PHF24: variants seen among roughly 807,000 people sequenced by gnomAD.
PHF24 encodes PHD finger protein 24.
PHF24 carries 25 observed loss-of-function variants against 42.6 expected under a neutral mutation model. The ratio of observed to expected loss-of-function variants is 0.59; its 90% confidence interval spans 0.43 to 0.82. The LOEUF (loss-of-function observed/expected upper bound fraction) is 0.82. PHF24 is among the 40% of genes least tolerant of loss of function. The pLI, the probability that PHF24 is intolerant of heterozygous loss-of-function variation, is 0.00. For missense variants in PHF24, 470 were observed against 538.1 expected, an observed-to-expected ratio of 0.87 and a Z score of 1.25; for synonymous variants, 185 against 204.8, an observed-to-expected ratio of 0.90 and a Z score of 0.83.
At chr9:34,851,453 A>G in the PHF24 span, among the ~76,000 whole-genome samples, 3 of 152,138 alleles carry the variant, frequency 2.0e-5, no homozygotes, top group Non-Finnish European at 4.4e-5. Context: ...AGCCTGTTGG[A>G]AAAGTGCAGT....
exon 5 of PHF24, chr9:34,976,554 G>A (rs1412161756): frequency 2.5e-6 from 4 of 1,613,404 alleles, no homozygotes; most frequent in African/African-American, 1.3e-5. Flanking sequence ...TGACACTGGA[G>A]GACTTTCTGC....
the PHF24 span, among the ~76,000 whole-genome samples, chr9:34,812,447 A>T: frequency 6.6e-6 from 1 of 152,240 alleles, no homozygotes; most frequent in African/African-American, 2.4e-5. Flanking sequence ...ACTGATGTGT[A>T]TATTTAAGAG....
the PHF24 span, chr9:34,922,397 G>A: frequency 1.5e-3 from 2,111 of 1,418,424 alleles, 44 homozygotes; most frequent in South Asian, 0.022. Context: ...AATAGAACAC[G>A]GAGAAGTTAA....
At chr9:34,792,920 G>A in the PHF24 span, among the ~76,000 whole-genome samples, 1 of 152,116 alleles carries the variant, frequency 6.6e-6, no homozygotes, top group Admixed American at 6.5e-5. Context: ...TGAATACTTG[G>A]CATGAAAATA....
chr9:34,927,483 G>A, the PHF24 span, among the ~76,000 whole-genome samples: 1 of 152,152 alleles, frequency 6.6e-6, no homozygotes, highest in Non-Finnish European at 1.5e-5. Flanking sequence ...CTAATCTGGA[G>A]CAATGTAGCT....
the PHF24 span, chr9:34,689,810 G>A: frequency 6.8e-6 from 11 of 1,613,994 alleles, no homozygotes; most frequent in East Asian, 2.2e-5. The surrounding 1 kb of genome is among the most constrained non-coding windows in gnomAD (Gnocchi z 4.1). Flanking sequence ...CCCTCTGCAC[G>A]GTCATAGGTT....
At chr9:34,847,080 T>G in the PHF24 span, among the ~76,000 whole-genome samples, 1 of 152,108 alleles carries the variant, frequency 6.6e-6, no homozygotes, top group Non-Finnish European at 1.5e-5. Context: ...CTTGGTGATG[T>G]GGGCTCTTTT....
exon 8 of PHF24, chr9:34,978,129 C>T (rs1055764515): frequency 1.5e-5 from 23 of 1,585,410 alleles, no homozygotes; most frequent in Non-Finnish European, 1.9e-5. Context: ...CAGAGAAGCT[C>T]GGTTTGAGGA....
At chr9:34,953,048 T>G (rs1238570486), upstream of PHF24, among the ~76,000 whole-genome samples, 1 of 152,230 alleles carries the variant, frequency 6.6e-6, no homozygotes, top group African/African-American at 2.4e-5. The surrounding 1 kb of genome is among the most constrained non-coding windows in gnomAD (Gnocchi z 4.1). Flanking sequence ...AAATCTTTTG[T>G]GATCATGGGT....
At chr9:34,856,041 C>G in the PHF24 span, among the ~76,000 whole-genome samples, 2 of 152,172 alleles carry the variant, frequency 1.3e-5, no homozygotes, top group Non-Finnish European at 2.9e-5. Flanking sequence ...CTCTGAGATT[C>G]TTTCCTCTGC....
chr9:34,706,565 G>A, the PHF24 span, among the ~76,000 whole-genome samples: 1 of 152,168 alleles, frequency 6.6e-6, no homozygotes, highest in Admixed American at 6.6e-5. Context: ...ACAGGACAAT[G>A]TTGTCAAAGA....
At chr9:34,827,438 G>A in the PHF24 span, among the ~76,000 whole-genome samples, 5 of 152,206 alleles carry the variant, frequency 3.3e-5, no homozygotes, top group African/African-American at 1.2e-4. Flanking sequence ...CACAGAATCA[G>A]CATTCAGAGC....
the PHF24 span, among the ~76,000 whole-genome samples, chr9:34,839,666 T>A: frequency 6.6e-6 from 1 of 152,174 alleles, no homozygotes; most frequent in Admixed American, 6.5e-5. Flanking sequence ...GGTAAGTATA[T>A]TCAGTATGCT....
At chr9:34,887,378 G>A in the PHF24 span, among the ~76,000 whole-genome samples, 1 of 152,154 alleles carries the variant, frequency 6.6e-6, no homozygotes, top group East Asian at 1.9e-4. Flanking sequence ...TTTACTCAAA[G>A]TAAGAGCCAG....
the PHF24 span, among the ~76,000 whole-genome samples, chr9:34,700,516 T>C: frequency 6.6e-6 from 1 of 152,142 alleles, no homozygotes; most frequent in East Asian, 1.9e-4. Context: ...ATAATTTTAG[T>C]TAACAAGATG....
the PHF24 span, among the ~76,000 whole-genome samples, chr9:34,703,618 GA>G: frequency 6.6e-6 from 1 of 151,530 alleles, no homozygotes; most frequent in East Asian, 1.9e-4. Flanking sequence ...GGGTTCTTAA[GA>G]AATCTGATTG....
chr9:34,772,800 A>G, the PHF24 span, among the ~76,000 whole-genome samples: 3 of 152,192 alleles, frequency 2.0e-5, no homozygotes, highest in Non-Finnish European at 4.4e-5. Context: ...ACAGTTGGCA[A>G]TACCAGTATA....
the PHF24 span, among the ~76,000 whole-genome samples, chr9:34,919,232 C>T: frequency 6.6e-6 from 1 of 152,056 alleles, no homozygotes; most frequent in Non-Finnish European, 1.5e-5. Context: ...TAAAAGCATA[C>T]AATGTGTAAT....
At chr9:34,956,903 G>A (rs1037372906), upstream of PHF24, among the ~76,000 whole-genome samples, 5 of 152,166 alleles carry the variant, frequency 3.3e-5, no homozygotes, top group African/African-American at 1.2e-4. Flanking sequence ...TTTCTCAGTG[G>A]CAGGACTGAG....
Sources: allele counts gnomAD v4.1 joint callset (sites outside exome capture counted in the v4.1 genomes callset), GRCh38; gene constraint gnomAD v4.1.1; non-coding constraint Gnocchi (gnomAD v3.1); transcripts MANE v1.5; gene names NCBI Gene and HGNC (gene_info 2026-07-23, HGNC 2026-07-21).